RALYL: variants seen among roughly 807,000 people sequenced by gnomAD.
RALYL encodes the protein RALY RNA binding protein like.
In RALYL, 29 loss-of-function variants were observed where a neutral mutation model predicts 35.1. The ratio of observed to expected loss-of-function variants is 0.83; its 90% confidence interval spans 0.61 to 1.13. The LOEUF is 1.13. RALYL is among the 50% of genes most tolerant of loss of function. The pLI, the probability that RALYL is intolerant of heterozygous loss-of-function variation, is 0.00. For missense variants in RALYL, 359 were observed against 360.4 expected (o/e 1.00, Z 0.03); for synonymous variants, 120 against 127.6 (o/e 0.94, Z 0.40).
At chr8:84,536,597 T>C (rs1354644096) in intron 2 of RALYL, among the ~76,000 whole-genome samples, 1 of 152,166 alleles carries the variant, frequency 6.6e-6, no homozygotes, top group Non-Finnish European at 1.5e-5. Context: ...AAGAAGCACA[T>C]GAACCTTATG....
chr8:84,189,556 T>C (rs1325614205), intron 1 of RALYL, among the ~76,000 whole-genome samples: 1 of 152,088 alleles, frequency 6.6e-6, no homozygotes, highest in Non-Finnish European at 1.5e-5. Flanking sequence ...GTACTTCCCT[T>C]CCGTGATTAG....
intron 1 of RALYL, among the ~76,000 whole-genome samples, chr8:84,419,133 G>A (rs1265390587): frequency 1.3e-5 from 2 of 152,118 alleles, no homozygotes; most frequent in African/African-American, 4.8e-5. Context: ...CAGATTGGTA[G>A]TCCAACCCCT....
intron 1 of RALYL, among the ~76,000 whole-genome samples, chr8:84,526,963 C>G (rs186955072): frequency 7.7e-4 from 117 of 152,182 alleles, no homozygotes; most frequent in African/African-American, 2.6e-3. Context: ...TTAATTTAGT[C>G]ACTGTTACTC....
chr8:84,249,236 A>G (rs1586534914), intron 1 of RALYL, among the ~76,000 whole-genome samples: 2 of 152,242 alleles, frequency 1.3e-5, no homozygotes, highest in African/African-American at 2.4e-5. Flanking sequence ...AAATTAAATT[A>G]AAAAGTTGTT....
chr8:84,554,256 C>T (rs1407793505), intron 2 of RALYL, among the ~76,000 whole-genome samples: 1 of 152,182 alleles, frequency 6.6e-6, no homozygotes, highest in Non-Finnish European at 1.5e-5. Context: ...GTTAATTAGA[C>T]TATCACACAT....
intron 1 of RALYL, among the ~76,000 whole-genome samples, chr8:84,474,706 G>A (rs1013113368): frequency 6.6e-6 from 1 of 152,052 alleles, no homozygotes; most frequent in Admixed American, 6.6e-5. Context: ...CCCTGTAAAT[G>A]TACCTGAATC....
chr8:84,729,300 C>T (rs1376318977), intron 2 of RALYL, among the ~76,000 whole-genome samples: 1 of 151,990 alleles, frequency 6.6e-6, no homozygotes, highest in Non-Finnish European at 1.5e-5. Context: ...TATAAGAATG[C>T]TTGTGATTTT....
Position 84,494,486 on chromosome 8 carries a change from C to T in RALYL, c.-23-34813C>T, listed in dbSNP as rs2055760401. ...GGAATGTTATTGAATCTGTAAATTA[C>T]TTTGGGCAGTATGGCCATTTTCATG... is the stretch of plus-strand genomic sequence containing the variant. On this transcript the variant is annotated intron_variant, in intron 1 of 8. Transcript: ENST00000521268. Among the ~76,000 whole-genome samples the T allele has an allele frequency of 3.9e-5, 6 of 152,148 alleles. No individual in the cohort carries two copies. The South Asian group carries it at 1.2e-3, about 32-fold the overall frequency.
chr8:84,723,687 T>C (rs192475863), intron 2 of RALYL, among the ~76,000 whole-genome samples: 194 of 152,052 alleles, frequency 1.3e-3, no homozygotes, highest in African/African-American at 4.4e-3. Flanking sequence ...AGAAAAGGAA[T>C]GTTGTCACTG....
intron 1 of RALYL, among the ~76,000 whole-genome samples, chr8:84,431,303 C>T (rs976490101): frequency 6.6e-6 from 1 of 152,086 alleles, no homozygotes; most frequent in Non-Finnish European, 1.5e-5. Flanking sequence ...ACAAATTGTG[C>T]ACTTGGCCAA....
chr8:84,200,341 C>CAAACG (rs1298791306), intron 1 of RALYL, among the ~76,000 whole-genome samples: 1 of 152,006 alleles, frequency 6.6e-6, no homozygotes, highest in African/African-American at 2.4e-5. Flanking sequence ...TTCATCAAAG[C>CAAACG]AAACGTCATT....
At chr8:84,581,395 A>G (rs1411316915) in intron 2 of RALYL, among the ~76,000 whole-genome samples, 3 of 152,156 alleles carry the variant, frequency 2.0e-5, no homozygotes, top group African/African-American at 7.2e-5. Context: ...AACCCAAAAT[A>G]TTGACTGTAC....
At chr8:84,191,182 TTGTGTG>T (rs36011671) in intron 1 of RALYL, among the ~76,000 whole-genome samples, 1,605 of 145,750 alleles carry the variant, frequency 0.011, 24 homozygotes, top group African/African-American at 0.037. Context: ...GTGTGTGTGA[TTGTGTG>T]TGTGTGTGTG....
At chr8:84,676,322 A>G (rs945833239) in intron 2 of RALYL, among the ~76,000 whole-genome samples, 3 of 152,184 alleles carry the variant, frequency 2.0e-5, no homozygotes, top group African/African-American at 7.2e-5. Context: ...AGTCCCTGAG[A>G]TTTTGCAGAT....
chr8:84,455,469 G>A (rs2050023063), intron 1 of RALYL, among the ~76,000 whole-genome samples: 1 of 151,966 alleles, frequency 6.6e-6, no homozygotes, highest in Non-Finnish European at 1.5e-5. Flanking sequence ...AAAGTACTGA[G>A]TTTTTGCTGA....
intron 2 of RALYL, among the ~76,000 whole-genome samples, chr8:84,594,160 A>G (rs1227090437): frequency 6.6e-6 from 1 of 152,016 alleles, no homozygotes; most frequent in East Asian, 1.9e-4. Context: ...TCCCACTTTA[A>G]GTATTATCTG....
At position 84,205,705 on chromosome 8, in the gene RALYL, C is replaced by A. The variant is rs377013286; in HGVS notation, c.-24+21281C>A. Among the ~76,000 whole-genome samples the A allele has an allele frequency of 3.9e-5, 6 of 152,344 alleles. No homozygotes were observed. The East Asian group carries it at 1.2e-3, about 29-fold the overall frequency. On this transcript the variant is annotated intron_variant, in intron 1 of 8. Transcript: ENST00000521268. Reference sequence around the variant, plus strand: ...ATCTATCTTTGTAAATCTACCTTAACAACCTAGTCTGAGAAGGTGATAAAA... The same window carrying A: ...ATCTATCTTTGTAAATCTACCTTAAAAACCTAGTCTGAGAAGGTGATAAAA...
chr8:84,234,678 T>A (rs1009130014), intron 1 of RALYL, among the ~76,000 whole-genome samples: 2 of 152,194 alleles, frequency 1.3e-5, no homozygotes, highest in African/African-American at 4.8e-5. Flanking sequence ...TTTTAAACAT[T>A]TTGAACATCT....
chr8:84,474,101 C>T (rs2053113815), intron 1 of RALYL, among the ~76,000 whole-genome samples: 1 of 152,016 alleles, frequency 6.6e-6, no homozygotes, highest in South Asian at 2.1e-4. Context: ...GGTTTACTTG[C>T]TCTTTCAAAA....
Sources: gnomAD v4.1 joint callset for allele counts (sites outside exome capture counted in the v4.1 genomes callset) on GRCh38, gnomAD v4.1.1 for gene constraint, MANE v1.5 for transcripts, NCBI Gene and HGNC (gene_info 2026-07-23, HGNC 2026-07-21) for gene names.